Variants in SLC25A26 observed in about 807,000 individuals in gnomAD.
The protein encoded by SLC25A26 is mitochondrial S-adenosylmethionine carrier protein.
SLC25A26 carries 36 observed loss-of-function variants against 37.8 expected under a neutral mutation model. That is an observed-to-expected ratio of 0.95 (90% CI 0.73 to 1.26). The LOEUF (loss-of-function observed/expected upper bound fraction) is 1.26, where lower values mean the gene tolerates loss of function less well. Ranked by LOEUF, SLC25A26 falls within the 50% of genes most tolerant of loss-of-function variation. SLC25A26 has a pLI of 0.00. For missense variants in SLC25A26, 390 were observed against 331.1 expected (o/e 1.18, Z -1.38); for synonymous variants, 129 against 122.5 (o/e 1.05, Z -0.35).
At chr3:66,268,124 A>G (rs1473995138) in intron 5 of SLC25A26, among the ~76,000 whole-genome samples, 3 of 152,194 alleles carry the variant, frequency 2.0e-5, no homozygotes, top group Admixed American at 2.0e-4. Context: ...ACTATCTTTT[A>G]TAATGATTGC....
intron 1 of SLC25A26, among the ~76,000 whole-genome samples, chr3:66,165,712 A>G (rs1400083042): frequency 6.6e-6 from 1 of 152,214 alleles, no homozygotes. Context: ...TAACCTATAT[A>G]CTGTGATATA....
chr3:66,198,446 A>G (rs1263700500), intron 1 of SLC25A26, among the ~76,000 whole-genome samples: 1 of 151,750 alleles, frequency 6.6e-6, no homozygotes, highest in African/African-American at 2.4e-5. Flanking sequence ...CTTCATAGTG[A>G]CCCTCACTAG....
At chr3:66,170,796 T>TTG (rs2070485426) in intron 1 of SLC25A26, among the ~76,000 whole-genome samples, 1 of 117,730 alleles carries the variant, frequency 8.5e-6, no homozygotes, top group African/African-American at 3.5e-5. Flanking sequence ...TTATTGTTTT[T>TTG]TTTTTTTTTT....
chr3:66,173,512 G>A (rs981308117), intron 1 of SLC25A26, among the ~76,000 whole-genome samples: 3 of 152,162 alleles, frequency 2.0e-5, no homozygotes, highest in African/African-American at 7.2e-5. Flanking sequence ...GGCTTCCTTT[G>A]TCTTCACTTA....
chr3:66,231,883 C>T (rs148359807), intron 1 of SLC25A26, among the ~76,000 whole-genome samples: 1 of 152,006 alleles, frequency 6.6e-6, no homozygotes, highest in Non-Finnish European at 1.5e-5. Context: ...GTGAGCATCC[C>T]ACCTCAGCCT....
chr3:66,295,681 A>T (rs886120364), intron 5 of SLC25A26, among the ~76,000 whole-genome samples: 1 of 151,552 alleles, frequency 6.6e-6, no homozygotes, highest in Non-Finnish European at 1.5e-5. Context: ...TGTATTTTTA[A>T]TAGAGACGAG....
At chr3:66,257,059 A>G (rs541322564) in intron 3 of SLC25A26, among the ~76,000 whole-genome samples, 1 of 152,156 alleles carries the variant, frequency 6.6e-6, no homozygotes, top group African/African-American at 2.4e-5. Context: ...TCTTGCTGTC[A>G]GGGTGCTTAC....
chr3:66,247,040 A>G (rs1439718395), intron 3 of SLC25A26, among the ~76,000 whole-genome samples: 1 of 151,146 alleles, frequency 6.6e-6, no homozygotes, highest in Non-Finnish European at 1.5e-5. Context: ...TTTTTTTTGT[A>G]TTTTTAGTAG....
intron 1 of SLC25A26, among the ~76,000 whole-genome samples, chr3:66,163,911 T>C (rs1483602886): frequency 6.6e-6 from 1 of 152,230 alleles, no homozygotes; most frequent in Non-Finnish European, 1.5e-5. Context: ...TTTTGTTTGT[T>C]ACATCTGTGG....
At chr3:66,176,957 A>T (rs897106357) in intron 1 of SLC25A26, among the ~76,000 whole-genome samples, 3 of 152,200 alleles carry the variant, frequency 2.0e-5, no homozygotes, top group Non-Finnish European at 2.9e-5. Context: ...TCCTGATGAT[A>T]AATAACCTTC....
intron 3 of SLC25A26, among the ~76,000 whole-genome samples, chr3:66,260,547 A>G (rs149873656): frequency 6.6e-6 from 1 of 152,336 alleles, no homozygotes; most frequent in African/African-American, 2.4e-5. Flanking sequence ...ATGCATCGGT[A>G]TGAAGCATTG....
chr3:66,233,714 C>T (rs781869758), intron 1 of SLC25A26, among the ~76,000 whole-genome samples: 4 of 151,556 alleles, frequency 2.6e-5, no homozygotes, highest in Admixed American at 6.6e-5. Flanking sequence ...TTTTTTCAGT[C>T]GCATGAATTT....
At chr3:66,336,533 T>G (rs561845046) in intron 5 of SLC25A26, among the ~76,000 whole-genome samples, 19 of 152,296 alleles carry the variant, frequency 1.2e-4, no homozygotes, top group Admixed American at 5.9e-4. Context: ...CCTGTGCGAG[T>G]TCTAACGTTT....
chr3:66,214,085 ATG>A (rs2071325023), intron 1 of SLC25A26, among the ~76,000 whole-genome samples: 1 of 152,160 alleles, frequency 6.6e-6, no homozygotes, highest in East Asian at 1.9e-4. Context: ...TCATGTTGAA[ATG>A]TGATTCCCAG....
intron 5 of SLC25A26, among the ~76,000 whole-genome samples, chr3:66,336,314 T>G (rs973271873): frequency 1.3e-5 from 2 of 152,132 alleles, no homozygotes; most frequent in African/African-American, 4.8e-5. Flanking sequence ...GGTCATTCAT[T>G]TTTCCTCTCC....
chr3:66,240,553 T>G (rs2072525066), intron 2 of SLC25A26, among the ~76,000 whole-genome samples: 1 of 151,736 alleles, frequency 6.6e-6, no homozygotes, highest in South Asian at 2.1e-4. Flanking sequence ...CTGGGATTAC[T>G]GATGTGGGCC....
chr3:66,311,276 C>T (rs570559714), intron 5 of SLC25A26, among the ~76,000 whole-genome samples: 5 of 152,032 alleles, frequency 3.3e-5, no homozygotes, highest in Non-Finnish European at 4.4e-5. Context: ...TCTGCTTGAT[C>T]GATTCGGCTA....
intron 5 of SLC25A26, among the ~76,000 whole-genome samples, chr3:66,264,417 G>T (rs115417544): frequency 2.6e-5 from 4 of 152,196 alleles, no homozygotes; most frequent in Admixed American, 2.6e-4. Context: ...GTACTGGTCC[G>T]TGGCCTGGTA....
At chr3:66,225,296 T>TAGG (rs1553660088) in intron 1 of SLC25A26, among the ~76,000 whole-genome samples, 1 of 152,114 alleles carries the variant, frequency 6.6e-6, no homozygotes, top group African/African-American at 2.4e-5. Context: ...TTCCCAAAGC[T>TAGG]CAGTTCTTGT....
Sources: gnomAD v4.1 joint callset for allele counts (sites outside exome capture counted in the v4.1 genomes callset) on GRCh38, gnomAD v4.1.1 for gene constraint, MANE v1.5 for transcripts, NCBI Gene and HGNC (gene_info 2026-07-23, HGNC 2026-07-21) for gene names.